Variants in DNAJC6 observed in about 807,000 individuals in gnomAD.
DNAJC6 encodes auxilin.
DNAJC6 carries 34 observed loss-of-function variants against 110.0 expected under a neutral mutation model. That is an observed-to-expected ratio of 0.31 (90% CI 0.24 to 0.41). The LOEUF (loss-of-function observed/expected upper bound fraction) is 0.41. Among genes scored for constraint, DNAJC6 ranks in the 10% least tolerant of loss-of-function variants. The pLI, the probability that DNAJC6 is intolerant of heterozygous loss-of-function variation, is 1.00. For synonymous variants in DNAJC6, 406 were observed against 437.2 expected (o/e 0.93, Z 0.89); for missense variants, 1,031 against 1,207.8 (o/e 0.85, Z 2.17).
chr1:65,268,051 T>A (rs1653393442), intron 1 of DNAJC6, among the ~76,000 whole-genome samples: 1 of 152,196 alleles, frequency 6.6e-6, no homozygotes, highest in African/African-American at 2.4e-5. Flanking sequence ...TATTAAAATA[T>A]TATGAATTGT....
chr1:65,380,921 G>GTTTTTTTTTTTTTTTTTT (rs1162044500), intron 5 of DNAJC6, among the ~76,000 whole-genome samples: 5 of 99,358 alleles, frequency 5.0e-5, no homozygotes, highest in African/African-American at 1.1e-4. Context: ...GTTTTGTTTT[G>GTTTTTTTTTTTTTTTTTT]TTTTTTTTTT....
chr1:65,402,199 A>G (rs1348452912), intron 15 of DNAJC6, among the ~76,000 whole-genome samples: 1 of 152,230 alleles, frequency 6.6e-6, no homozygotes, highest in African/African-American at 2.4e-5. Flanking sequence ...GGGAAACAGT[A>G]TGAGACAGGG....
At chr1:65,395,248 T>A (rs1362007860) in intron 13 of DNAJC6, among the ~76,000 whole-genome samples, 1 of 152,208 alleles carries the variant, frequency 6.6e-6, no homozygotes, top group African/African-American at 2.4e-5. Flanking sequence ...TCTGCTTTCC[T>A]ATTTGACTAT....
chr1:65,278,958 T>A, intron 1 of DNAJC6: 3 of 985,348 alleles, frequency 3.0e-6, no homozygotes, highest in Non-Finnish European at 3.6e-6. Context: ...CTCCCTACTC[T>A]TTCTGCCCTC....
chr1:65,366,819 G>T (rs1645651255), intron 4 of DNAJC6, among the ~76,000 whole-genome samples: 1 of 152,140 alleles, frequency 6.6e-6, no homozygotes, highest in Admixed American at 6.5e-5. Context: ...TTAGCCTTCA[G>T]ATATGATTGG....
At chr1:65,365,456 T>C (rs1645636960) in intron 2 of DNAJC6, among the ~76,000 whole-genome samples, 1 of 152,222 alleles carries the variant, frequency 6.6e-6, no homozygotes, top group South Asian at 2.1e-4. Flanking sequence ...ATAAAACTAT[T>C]CTTACCTCTG....
intron 5 of DNAJC6, 174 bp from the exon 6 acceptor site, chr1:65,384,019 T>A: frequency 1.7e-6 from 1 of 599,576 alleles, no homozygotes; most frequent in Non-Finnish European, 2.5e-6. Context: ...CTGCCTTTGA[T>A]TTAAAAAGCT....
intron 12 of DNAJC6, 69 bp downstream of exon 12, chr1:65,392,934 T>C (rs1328795868): frequency 2.2e-6 from 3 of 1,380,212 alleles, no homozygotes; most frequent in African/African-American, 1.5e-5. Context: ...ATAGGTGGAA[T>C]TGAACTTTCC....
In DNAJC6 at chr1:65,366,194, C is replaced by T. The variant is rs756048983; in HGVS notation, c.541C>T (p.Arg181Trp). 2.5e-6 allele frequency: 4 copies of T among 1,613,106 alleles called. No homozygotes were observed. Among genetic ancestry groups the T allele is most frequent in the Non-Finnish European group, 2.5e-6 (3 of 1,179,532 alleles). Residue 181 changes from arginine to tryptophan, a missense_variant and splice_region_variant, in exon 4 of 19, where the codon CGG becomes TGG. Physicochemically the swap from Arg to Trp is moderately radical, Grantham distance 101. Coordinates refer to ENST00000371069, the MANE Select transcript of DNAJC6 (RefSeq NM_001256864.2). ...TTATCGAACTGCCAAGTTTCACAGC[C>T]GGGTAAGGATTTTTAGCCCTGAGAT... ...KSYRTAKFHS[R>W]VSECSWPIRQ...
intron 1 of DNAJC6, among the ~76,000 whole-genome samples, chr1:65,328,675 C>A (rs1645261815): frequency 6.6e-6 from 1 of 152,244 alleles, no homozygotes; most frequent in Admixed American, 6.5e-5. Context: ...AAGTACTTGA[C>A]CCCAATGGGT....
At chr1:65,292,462 G>A (rs1429590212) in intron 1 of DNAJC6, among the ~76,000 whole-genome samples, 1 of 151,654 alleles carries the variant, frequency 6.6e-6, no homozygotes, top group Non-Finnish European at 1.5e-5. Flanking sequence ...ACAGGGTCTT[G>A]GTGTATTGCC....
intron 1 of DNAJC6, among the ~76,000 whole-genome samples, chr1:65,319,956 C>T (rs954959955): frequency 2.6e-4 from 40 of 152,150 alleles, no homozygotes; most frequent in Non-Finnish European, 1.6e-4. Context: ...AGTGAGTCAG[C>T]ATGCCTGGGA....
chr1:65,316,358 G>T (rs893457721), intron 1 of DNAJC6, among the ~76,000 whole-genome samples: 1 of 152,160 alleles, frequency 6.6e-6, no homozygotes. Context: ...ATTCTTCAGG[G>T]TTTAGCTCAG....
chr1:65,319,459 C>T (rs1381468719), intron 1 of DNAJC6, among the ~76,000 whole-genome samples: 12 of 152,154 alleles, frequency 7.9e-5, no homozygotes, highest in Admixed American at 7.9e-4. Context: ...AGGCCTAAGG[C>T]CCGAGGCCAG....
At chr1:65,393,079 G>A (rs764961850) in intron 12 of DNAJC6, among the ~76,000 whole-genome samples, 3 of 152,126 alleles carry the variant, frequency 2.0e-5, no homozygotes, top group African/African-American at 4.8e-5. Context: ...AAGAGTGGAC[G>A]TTTGAGCTTC....
At chr1:65,302,756 C>T (rs1261492247) in intron 1 of DNAJC6, among the ~76,000 whole-genome samples, 1 of 151,368 alleles carries the variant, frequency 6.6e-6, no homozygotes, top group Non-Finnish European at 1.5e-5. Context: ...AGGATGGTCT[C>T]GATCTCCTGA....
intron 1 of DNAJC6, among the ~76,000 whole-genome samples, chr1:65,320,933 G>A (rs1422903927): frequency 6.6e-6 from 1 of 151,512 alleles, no homozygotes; most frequent in Admixed American, 6.6e-5. Context: ...GGCATTTCAA[G>A]TTCTAGGTAC....
intron 1 of DNAJC6, among the ~76,000 whole-genome samples, chr1:65,322,140 G>A (rs6697554): frequency 0.73 from 111,683 of 152,064 alleles, 41,033 homozygotes; most frequent in East Asian, 0.83. Flanking sequence ...CAGTTGTAAC[G>A]GAAGACAGCT....
intron 1 of DNAJC6, among the ~76,000 whole-genome samples, chr1:65,335,724 G>A (rs1645330150): frequency 6.6e-6 from 1 of 152,180 alleles, no homozygotes; most frequent in Non-Finnish European, 1.5e-5. Flanking sequence ...TAAGGCAAGA[G>A]GGGTACAGAG....
Sources: gnomAD v4.1 joint callset for allele counts (sites outside exome capture counted in the v4.1 genomes callset) on GRCh38, gnomAD v4.1.1 for gene constraint, MANE v1.5 for transcripts, NCBI Gene and HGNC (gene_info 2026-07-23, HGNC 2026-07-21) for gene names.